Variants in MAN1B1 observed in about 807,000 individuals in gnomAD.
MAN1B1 encodes mannosidase alpha class 1B member 1, also known as endoplasmic reticulum mannosyl-oligosaccharide 1,2-alpha-mannosidase.
Under a neutral mutation model 75.5 loss-of-function variants are expected in MAN1B1, and 66 were observed. That is an observed-to-expected ratio of 0.87 (90% CI 0.72 to 1.07). MAN1B1 has a LOEUF of 1.07. MAN1B1 is among the 50% of genes least tolerant of loss of function. The pLI, the probability that MAN1B1 is intolerant of heterozygous loss-of-function variation, is 0.00. For synonymous variants in MAN1B1, 453 were observed against 382.8 expected, an observed-to-expected ratio of 1.18 and a Z score of -2.14; for missense variants, 973 against 912.5, an observed-to-expected ratio of 1.07 and a Z score of -0.85.
At chr9:137,104,427 G>A (rs998586409) in intron 8 of MAN1B1, 1 of 288,700 alleles carries the variant, frequency 3.5e-6, no homozygotes, top group Non-Finnish European at 6.7e-6. Flanking sequence ...TAGAGACAGG[G>A]TTTCACCAAG....
chr9:137,103,846 CAT>C (rs1411338267), intron 8 of MAN1B1: 8 of 451,072 alleles, frequency 1.8e-5, no homozygotes, highest in Admixed American at 1.2e-4. Context: ...GTGTTACACA[CAT>C]TCACACTTGC....
At chr9:137,096,088 C>A in intron 3 of MAN1B1, 149 bp from the exon 4 acceptor site, 1 of 816,250 alleles carries the variant, frequency 1.2e-6, no homozygotes, top group Non-Finnish European at 2.1e-6. Flanking sequence ...TCTGAAGCTG[C>A]CTGTCGTATT....
intron 8 of MAN1B1, chr9:137,103,917 A>G (rs535048309): frequency 1.4e-5 from 5 of 368,428 alleles, no homozygotes; most frequent in African/African-American, 3.2e-5. Context: ...GCAGGTCGGT[A>G]GTGTTACACA....
At chr9:137,103,055 C>T in intron 8 of MAN1B1, 1 of 442,808 alleles carries the variant, frequency 2.3e-6, no homozygotes, top group Non-Finnish European at 4.5e-6. Flanking sequence ...TGCAGGCGTG[C>T]AGGTTGGTGT....
chr9:137,097,577 G>C (rs1057461559), intron 4 of MAN1B1, among the ~76,000 whole-genome samples: 1 of 152,106 alleles, frequency 6.6e-6, no homozygotes, highest in East Asian at 1.9e-4. Flanking sequence ...GATTTCTCAC[G>C]ATTCTCCAAG....
At chr9:137,101,199 C>T (rs1353627903) in intron 7 of MAN1B1, 46 bp downstream of exon 7, 1 of 1,608,898 alleles carries the variant, frequency 6.2e-7, no homozygotes, top group Non-Finnish European at 8.5e-7. Flanking sequence ...GACTCGCATT[C>T]AAGCAGTTAC....
At chr9:137,102,451 G>T (rs112746689) in intron 8 of MAN1B1, 3 of 432,094 alleles carry the variant, frequency 6.9e-6, no homozygotes, top group Non-Finnish European at 1.4e-5. Flanking sequence ...TGTTGCAGGC[G>T]TGCAGGTCGG....
At chr9:137,087,267 G>A (rs947959143) in intron 1 of MAN1B1, 49 bp downstream of exon 1, 2 of 1,538,738 alleles carry the variant, frequency 1.3e-6, no homozygotes, top group Admixed American at 2.0e-5. Flanking sequence ...CGTGCCCGCC[G>A]CCCTCCCAGA....
At chr9:137,100,496 G>A (rs1362112163) in intron 6 of MAN1B1, among the ~76,000 whole-genome samples, 5 of 152,162 alleles carry the variant, frequency 3.3e-5, no homozygotes, top group African/African-American at 4.8e-5. Flanking sequence ...GAACGATAAC[G>A]CCCCAGACAT....
At chr9:137,090,997 G>A (rs977308129) in intron 3 of MAN1B1, among the ~76,000 whole-genome samples, 1 of 152,176 alleles carries the variant, frequency 6.6e-6, no homozygotes, top group Non-Finnish European at 1.5e-5. Context: ...TGGTCTAGCC[G>A]GGCAGAGGGT....
At position 137,088,094 on chromosome 9, in the gene MAN1B1, G is replaced by T. The variant is rs755167745; in HGVS notation, c.239G>T (p.Arg80Ile). Reference protein sequence around the residue: ...SCWRKWKQLSRLQRNMILFLL... With the variant: ...SCWRKWKQLSILQRNMILFLL... The stretch of plus-strand genomic sequence containing the variant: ...CCTTAGAAATGGAAGCAACTGTCGA[G>T]ATTGCAGCGGAATATGATTCTCTTC... The change falls in exon 2 of 13, where the codon AGA becomes ATA. Residue 80 changes from arginine (R) to isoleucine (I), a missense_variant. Physicochemically the swap from Arg to Ile is moderately conservative, Grantham distance 97. Transcript: ENST00000371589. 9.9e-6 allele frequency: 16 copies of T among 1,613,990 alleles called. No individual in the cohort carries two copies. Among genetic ancestry groups the T allele is most frequent in the Non-Finnish European group, 8.5e-7 (1 of 1,179,966 alleles).
At chr9:137,091,412 T>C (rs1415139003) in intron 3 of MAN1B1, among the ~76,000 whole-genome samples, 1 of 152,144 alleles carries the variant, frequency 6.6e-6, no homozygotes, top group East Asian at 1.9e-4. Flanking sequence ...GCCTCTCCTG[T>C]TCAGACCCTG....
chr9:137,095,826 C>T (rs994270588), intron 3 of MAN1B1, among the ~76,000 whole-genome samples: 5 of 152,190 alleles, frequency 3.3e-5, no homozygotes, highest in African/African-American at 1.2e-4. Context: ...GGGAACCCAG[C>T]TCCATATGTC....
chr9:137,094,466 C>A, intron 3 of MAN1B1: 1 of 413,646 alleles, frequency 2.4e-6, no homozygotes, highest in South Asian at 1.8e-5. Flanking sequence ...CACAGTGGAA[C>A]TAGTGGCTCA....
chr9:137,096,193 T>C (rs1182002025), intron 3 of MAN1B1, 44 bp from the exon 4 acceptor site: 11 of 1,612,560 alleles, frequency 6.8e-6, no homozygotes, highest in Non-Finnish European at 8.5e-6. Flanking sequence ...GAAGGGCAGC[T>C]CGCAGACACC....
chr9:137,087,328 G>A, intron 1 of MAN1B1, 110 bp downstream of exon 1: 3 of 1,241,552 alleles, frequency 2.4e-6, no homozygotes, highest in Non-Finnish European at 3.3e-6. Flanking sequence ...CCCAGGCGCC[G>A]CCCTCTCCAC....
At chr9:137,105,303 T>A (rs1831053670) in intron 8 of MAN1B1, 1 of 155,592 alleles carries the variant, frequency 6.4e-6, no homozygotes, top group Non-Finnish European at 1.4e-5. Context: ...TTAGAGCAAC[T>A]GTGACCACTT....
chr9:137,098,710 C>CGTGTGTGGATTAGTCA (rs1830725088), intron 5 of MAN1B1, among the ~76,000 whole-genome samples: 1 of 152,134 alleles, frequency 6.6e-6, no homozygotes, highest in South Asian at 2.1e-4. Flanking sequence ...TCAATCCACA[C>CGTGTGTGGATTAGTCA]ATTAGTCAAT....
Position 137,099,747 on chromosome 9 carries a change from G to A in MAN1B1, c.782G>A (p.Trp261Ter). Residue 261 changes from tryptophan (W) to a stop codon, truncating the protein, a stop_gained, in exon 6 of 13, where the codon TGG (tryptophan) becomes TAG (stop). Transcript: ENST00000371589. LOFTEE classifies it high-confidence loss of function. ...KGVIDVFLHAWKGYRKFAWGH... is the reference protein window; with the variant it reads ...KGVIDVFLHA Reference sequence around the variant, plus strand: ...GTGATTGACGTCTTCCTGCATGCATGGAAAGGATACCGCAAGTTTGCATGG... The same window carrying A: ...GTGATTGACGTCTTCCTGCATGCATAGAAAGGATACCGCAAGTTTGCATGG... The A allele has an allele frequency of 1.2e-6, 2 of 1,614,242 alleles. No homozygotes were observed. Among genetic ancestry groups the A allele is most frequent in the Non-Finnish European group, 8.5e-7 (1 of 1,180,052 alleles).
Sources: gnomAD v4.1 joint callset for allele counts (sites outside exome capture counted in the v4.1 genomes callset) on GRCh38, gnomAD v4.1.1 for gene constraint, MANE v1.5 for transcripts, NCBI Gene and HGNC (gene_info 2026-07-23, HGNC 2026-07-21) for gene names.